CNBD1: variants seen among roughly 807,000 people sequenced by gnomAD.
CNBD1 encodes cyclic nucleotide binding domain containing 1, also known as cyclic nucleotide-binding domain-containing protein 1.
In CNBD1, 71 loss-of-function variants were observed where a neutral mutation model predicts 54.4. That is an observed-to-expected ratio of 1.30 (90% confidence interval 1.08 to 1.59). The LOEUF (loss-of-function observed/expected upper bound fraction) is 1.59, where lower values mean the gene tolerates loss of function less well. Among genes scored for constraint, CNBD1 ranks in the 40% most tolerant of loss-of-function variants. The pLI, the probability that CNBD1 is intolerant of heterozygous loss-of-function variation, is 0.00. For missense variants in CNBD1, 659 were observed against 518.0 expected (o/e 1.27, Z -2.64); for synonymous variants, 182 against 170.7 (o/e 1.07, Z -0.51).
intron 4 of CNBD1, among the ~76,000 whole-genome samples, chr8:87,088,118 T>C: frequency 6.6e-6 from 1 of 152,084 alleles, no homozygotes; most frequent in East Asian, 1.9e-4. Context: ...GTGTGTCTGC[T>C]TATGAATGTA....
intron 8 of CNBD1, among the ~76,000 whole-genome samples, chr8:87,347,187 G>A (rs1181677782): frequency 3.3e-5 from 5 of 152,080 alleles, no homozygotes; most frequent in Admixed American, 2.6e-4. Context: ...GATAAATTCT[G>A]TTGCTGTTCT....
chr8:86,962,208 G>A (rs1807947154), intron 4 of CNBD1, among the ~76,000 whole-genome samples: 1 of 152,100 alleles, frequency 6.6e-6, no homozygotes, highest in South Asian at 2.1e-4. Flanking sequence ...AATAAGAATG[G>A]TAAGACAAAA....
At chr8:87,145,945 T>C (rs1812477317) in intron 4 of CNBD1, among the ~76,000 whole-genome samples, 1 of 152,178 alleles carries the variant, frequency 6.6e-6, no homozygotes. Flanking sequence ...TATATTATCA[T>C]TATTATAGAA....
intron 2 of CNBD1, among the ~76,000 whole-genome samples, chr8:86,899,044 A>G (rs140835824): frequency 1.3e-5 from 2 of 152,318 alleles, no homozygotes; most frequent in African/African-American, 4.8e-5. Flanking sequence ...ATGAACCCAG[A>G]GGCCCTTATG....
At chr8:87,028,993 G>A (rs1283819318) in intron 4 of CNBD1, among the ~76,000 whole-genome samples, 1 of 152,156 alleles carries the variant, frequency 6.6e-6, no homozygotes, top group South Asian at 2.1e-4. Context: ...ACAAGTGTGA[G>A]GTGATATCTC....
At chr8:87,290,523 C>T (rs182870831) in intron 8 of CNBD1, among the ~76,000 whole-genome samples, 3 of 152,256 alleles carry the variant, frequency 2.0e-5, no homozygotes, top group Non-Finnish European at 2.9e-5. Flanking sequence ...ATGCATTTCT[C>T]CTACCTTTTA....
chr8:87,335,557 G>A (rs1312217768), intron 8 of CNBD1, among the ~76,000 whole-genome samples: 1 of 151,448 alleles, frequency 6.6e-6, no homozygotes, highest in Admixed American at 6.6e-5. Flanking sequence ...CATTTTTTTG[G>A]TAAATTTTCC....
chr8:86,987,837 A>G (rs1808641990), intron 4 of CNBD1, among the ~76,000 whole-genome samples: 1 of 152,214 alleles, frequency 6.6e-6, no homozygotes, highest in African/African-American at 2.4e-5. Flanking sequence ...TATCCCAGAA[A>G]TAAAGCCTAC....
chr8:87,087,883 T>G (rs1811134333), intron 4 of CNBD1, among the ~76,000 whole-genome samples: 1 of 152,180 alleles, frequency 6.6e-6, no homozygotes. Flanking sequence ...GCTAAATGAC[T>G]TGCAAAGGTC....
intron 6 of CNBD1, among the ~76,000 whole-genome samples, chr8:87,258,401 A>T (rs11988607): frequency 0.28 from 42,894 of 151,298 alleles, 6,540 homozygotes; most frequent in African/African-American, 0.4. Flanking sequence ...TTAAAAGGCA[A>T]ACAAAAATTT....
At chr8:87,255,350 T>G (rs1807989910) in intron 6 of CNBD1, among the ~76,000 whole-genome samples, 1 of 152,112 alleles carries the variant, frequency 6.6e-6, no homozygotes, top group Non-Finnish European at 1.5e-5. Flanking sequence ...TACTGAGTAG[T>G]TATAATTTAT....
chr8:87,260,963 C>T (rs1246197592), intron 6 of CNBD1, among the ~76,000 whole-genome samples: 1 of 152,016 alleles, frequency 6.6e-6, no homozygotes, highest in Admixed American at 6.6e-5. Context: ...CCTACCTAAG[C>T]ATGCAAGAAA....
intron 9 of CNBD1, among the ~76,000 whole-genome samples, chr8:87,352,713 A>T (rs1174363396): frequency 3.3e-5 from 5 of 152,168 alleles, no homozygotes; most frequent in Non-Finnish European, 5.9e-5. Context: ...ATGAAGTTCT[A>T]GAACAGGCAA....
chr8:87,125,910 T>C (rs1367319922), intron 4 of CNBD1, among the ~76,000 whole-genome samples: 2 of 151,914 alleles, frequency 1.3e-5, no homozygotes, highest in Non-Finnish European at 2.9e-5. Flanking sequence ...TTTCCTAAAA[T>C]TTATATAAAG....
intron 8 of CNBD1, among the ~76,000 whole-genome samples, chr8:87,288,077 A>G (rs60440506): frequency 0.28 from 42,750 of 151,736 alleles, 6,469 homozygotes; most frequent in African/African-American, 0.39. Flanking sequence ...CCCCATGTTT[A>G]TTACATAGAA....
intron 4 of CNBD1, among the ~76,000 whole-genome samples, chr8:87,112,590 A>T (rs1311466204): frequency 1.3e-5 from 2 of 152,172 alleles, no homozygotes; most frequent in African/African-American, 4.8e-5. Context: ...ATAGTCACTC[A>T]ATTGCACACT....
intron 4 of CNBD1, among the ~76,000 whole-genome samples, chr8:87,015,680 G>A (rs900020291): frequency 2.0e-5 from 3 of 151,916 alleles, no homozygotes; most frequent in Non-Finnish European, 4.4e-5. Flanking sequence ...TTGAAAACAG[G>A]CAAATATAGC....
intron 4 of CNBD1, among the ~76,000 whole-genome samples, chr8:87,022,761 A>G (rs1809515880): frequency 6.6e-6 from 1 of 152,248 alleles, no homozygotes; most frequent in Admixed American, 6.5e-5. Context: ...AAGTGAGTCT[A>G]ATTGCAAGTT....
At chr8:87,248,708 T>G (rs1807856129) in intron 6 of CNBD1, among the ~76,000 whole-genome samples, 1 of 152,206 alleles carries the variant, frequency 6.6e-6, no homozygotes, top group East Asian at 1.9e-4. Flanking sequence ...AATACAACTT[T>G]CTTTTGTTGG....
Sources: allele counts gnomAD v4.1 joint callset (sites outside exome capture counted in the v4.1 genomes callset), GRCh38; gene constraint gnomAD v4.1.1; transcripts MANE v1.5; gene names NCBI Gene and HGNC (gene_info 2026-07-23, HGNC 2026-07-21).